Variants in PRTFDC1 observed in about 807,000 individuals in gnomAD.
PRTFDC1 encodes the protein phosphoribosyltransferase domain-containing protein 1.
A neutral mutation model predicts 34.6 loss-of-function variants in PRTFDC1; 38 were observed. That is an observed-to-expected ratio of 1.10 (90% CI 0.85 to 1.44). The LOEUF is 1.44. Ranked by LOEUF, PRTFDC1 falls within the 40% of genes most tolerant of loss-of-function variation. PRTFDC1 has a pLI of 0.00. For synonymous variants in PRTFDC1, 93 were observed against 98.1 expected, an observed-to-expected ratio of 0.95 and a Z score of 0.31; for missense variants, 270 against 283.0, an observed-to-expected ratio of 0.95 and a Z score of 0.33.
chr10:24,934,248 G>GGAGAAGA (rs1564317714), intron 3 of PRTFDC1, among the ~76,000 whole-genome samples: 27 of 97,320 alleles, frequency 2.8e-4, no homozygotes, highest in Admixed American at 1.5e-3. Flanking sequence ...GAAGAAGAAG[G>GGAGAAGA]AGAAGAAGAA....
chr10:24,883,555 T>A (rs1848115916), intron 3 of PRTFDC1, among the ~76,000 whole-genome samples: 1 of 152,202 alleles, frequency 6.6e-6, no homozygotes, highest in African/African-American at 2.4e-5. Flanking sequence ...AAGAGGAAAC[T>A]CAGTTTAAAA....
intron 3 of PRTFDC1, among the ~76,000 whole-genome samples, chr10:24,901,688 C>T (rs933395993): frequency 6.6e-6 from 1 of 152,182 alleles, no homozygotes. Flanking sequence ...GTGATTTCGC[C>T]ACTGCACTCC....
In PRTFDC1 at chr10:24,952,400, C is replaced by T; in HGVS notation, c.48+128G>A. On this transcript the variant is annotated intron_variant, in intron 1 of 8. Transcript: ENST00000320152. The surrounding 1 kb of genome is among the most constrained non-coding windows in gnomAD (Gnocchi z 5.1). ...CGGGTCCGAGGATGGAAGCGATCCC[C>T]GCCGGGAGGGAGAACAAAGCGGTGG... 1 of 1,131,910 alleles carries T rather than the reference C, an allele frequency of 8.8e-7. No homozygotes were observed. The highest frequency in any genetic ancestry group is 1.3e-6 in the Non-Finnish European group (1 of 776,530). The allele number at this position is 1,131,910 out of a possible 1,614,324, so 70.1% of individuals were successfully genotyped here. A position where few individuals can be genotyped will look rare whatever the true frequency, so the allele number is the denominator to read the frequency against.
intron 3 of PRTFDC1, among the ~76,000 whole-genome samples, chr10:24,906,727 A>T (rs950561359): frequency 6.6e-6 from 1 of 152,234 alleles, no homozygotes; most frequent in Admixed American, 6.5e-5. Context: ...CTCATTTCAC[A>T]GGAGCAACTG....
chr10:24,855,150 A>G (rs1847550488), intron 7 of PRTFDC1, among the ~76,000 whole-genome samples, 168 bp downstream of exon 7: 1 of 152,180 alleles, frequency 6.6e-6, no homozygotes, highest in South Asian at 2.1e-4. Context: ...TGTTTTCCCT[A>G]TCAAGGTGGG....
chr10:24,882,229 A>G (rs909070699), intron 3 of PRTFDC1, among the ~76,000 whole-genome samples: 4 of 151,758 alleles, frequency 2.6e-5, no homozygotes, highest in Non-Finnish European at 5.9e-5. Context: ...AGAAAAGAAA[A>G]GAAAAAGAGA....
rs80335211 is a variant in PRTFDC1, at chr10:24,913,713, C to A, written c.339+23471G>T. ...TAGTCAGAAACTAATAAAGATAAGG[C>A]CACTTTGGCAATGATTTTAAAGCAA... On this transcript the variant is annotated intron_variant, in intron 3 of 8. Coordinates refer to ENST00000320152, the MANE Select transcript of PRTFDC1 (RefSeq NM_020200.7). 3.8e-3 allele frequency among the ~76,000 whole-genome samples: 577 copies of A among 152,266 alleles called. 22 individuals are homozygous for A. In the East Asian group the frequency reaches 0.087, roughly 23 times the overall value.
chr10:24,911,174 G>A (rs1358790382), intron 3 of PRTFDC1, among the ~76,000 whole-genome samples: 1 of 152,184 alleles, frequency 6.6e-6, no homozygotes, highest in Non-Finnish European at 1.5e-5. Flanking sequence ...TATCATTACA[G>A]TCATGATGTA....
chr10:24,937,179 C>T lies in PRTFDC1; in HGVS notation c.339+5G>A. On this transcript the variant is annotated splice_donor_5th_base_variant and intron_variant, in intron 3 of 8. Coordinates refer to ENST00000320152, the MANE Select transcript of PRTFDC1 (RefSeq NM_020200.7). The stretch of plus-strand genomic sequence containing the variant: ...TGTCATAAAGCGGAACTTGTAATAA[C>T]TTACCCTGTAACTTTTTAGTCTGAT... 1 of 1,605,096 alleles carries T rather than the reference C, an allele frequency of 6.2e-7. No homozygotes were observed. The highest frequency in any genetic ancestry group is 8.5e-7 in the Non-Finnish European group (1 of 1,174,322).
intron 3 of PRTFDC1, among the ~76,000 whole-genome samples, chr10:24,880,055 C>T (rs1020591293): frequency 2.6e-5 from 4 of 152,072 alleles, no homozygotes; most frequent in African/African-American, 9.7e-5. Context: ...GAGGAAGTTA[C>T]CTAACCTTTC....
In PRTFDC1 at chr10:24,926,639, G is replaced by T. The variant is rs556446552; in HGVS notation, c.339+10545C>A. The stretch of plus-strand genomic sequence containing the variant: ...GCCGGGATTACAGGCATGAGCCACT[G>T]CGTCCGGCCATTTCATCCATCTTTC... On this transcript the variant is annotated intron_variant, in intron 3 of 8. Coordinates refer to ENST00000320152, the MANE Select transcript of PRTFDC1 (RefSeq NM_020200.7). 7.9e-5 allele frequency among the ~76,000 whole-genome samples: 12 copies of T among 152,334 alleles called. No homozygotes were observed. In the South Asian group the frequency reaches 2.3e-3, roughly 29 times the overall value.
In PRTFDC1 at chr10:24,930,431, GA is replaced by G. The variant is rs112355133; in HGVS notation, c.339+6752del. ...TTAATTCAACATATAAAACATTTCA[GA>G]AAAAAAAGCAGGTAATTGTCTATTT... On this transcript the variant is annotated intron_variant, in intron 3 of 8. Coordinates refer to ENST00000320152, the MANE Select transcript of PRTFDC1 (RefSeq NM_020200.7). Among the ~76,000 whole-genome samples the G allele has an allele frequency of 3.3e-5, 5 of 151,804 alleles. No individual in the cohort carries two copies. In the East Asian group the frequency reaches 9.7e-4, roughly 29 times the overall value.
At chr10:24,872,099 A>T (rs761625541) in intron 3 of PRTFDC1, 36 bp from the exon 4 acceptor site, 3 of 1,543,372 alleles carry the variant, frequency 1.9e-6, no homozygotes. Flanking sequence ...AGACAATTTT[A>T]CCGCACAAGA....
At chr10:24,874,035 G>C (rs1217529175) in intron 3 of PRTFDC1, among the ~76,000 whole-genome samples, 1 of 151,054 alleles carries the variant, frequency 6.6e-6, no homozygotes, top group Non-Finnish European at 1.5e-5. Flanking sequence ...AACCTCTCAA[G>C]TAGCTGGGAC....
intron 4 of PRTFDC1, among the ~76,000 whole-genome samples, chr10:24,858,954 C>T (rs925623145): frequency 5.9e-5 from 9 of 152,036 alleles, no homozygotes; most frequent in South Asian, 4.2e-4. Flanking sequence ...GTATTTTTAG[C>T]GAGCTGGTTA....
intron 3 of PRTFDC1, among the ~76,000 whole-genome samples, chr10:24,890,453 C>T (rs1340329049): frequency 2.0e-5 from 3 of 152,234 alleles, no homozygotes; most frequent in Admixed American, 2.0e-4. Flanking sequence ...GGCTATGGAA[C>T]AAGGCACGTG....
chr10:24,948,240 C>G (rs274295), intron 1 of PRTFDC1, among the ~76,000 whole-genome samples: 1 of 152,160 alleles, frequency 6.6e-6, no homozygotes, highest in Non-Finnish European at 1.5e-5. Flanking sequence ...TAGGTAAGTA[C>G]TAATAATAGC....
At chr10:24,941,551 C>T (rs1214797369) in intron 2 of PRTFDC1, among the ~76,000 whole-genome samples, 1 of 152,044 alleles carries the variant, frequency 6.6e-6, no homozygotes, top group Non-Finnish European at 1.5e-5. Context: ...TCTTGGGCCC[C>T]ACCCTAGAAT....
intron 4 of PRTFDC1, among the ~76,000 whole-genome samples, chr10:24,859,716 C>T (rs1028759183): frequency 1.3e-5 from 2 of 152,130 alleles, no homozygotes; most frequent in African/African-American, 2.4e-5. Flanking sequence ...GACTAATACA[C>T]GATGATTGTA....
Sources: gnomAD v4.1 joint callset for allele counts (sites outside exome capture counted in the v4.1 genomes callset) on GRCh38, gnomAD v4.1.1 for gene constraint, Gnocchi (gnomAD v3.1) non-coding constraint, MANE v1.5 for transcripts, NCBI Gene and HGNC (gene_info 2026-07-23, HGNC 2026-07-21) for gene names.